The following AGAP1 variants were observed in gnomAD, a reference collection of about 807,000 sequenced individuals.
The protein encoded by AGAP1 is arf-GAP with GTPase, ANK repeat and PH domain-containing protein 1.
Under a neutral mutation model 105.3 loss-of-function variants are expected in AGAP1, and 29 were observed. The ratio of observed to expected loss-of-function variants is 0.28; its 90% CI spans 0.21 to 0.38. AGAP1 has a LOEUF of 0.38. Among genes scored for constraint, AGAP1 ranks in the 10% least tolerant of loss-of-function variants. The pLI, the probability that AGAP1 is intolerant of heterozygous loss-of-function variation, is 1.00. For missense variants in AGAP1, 998 were observed against 1,165.1 expected (o/e 0.86, Z 2.09); for synonymous variants, 509 against 485.9 (o/e 1.05, Z -0.63).
At chr2:235,942,536 G>T (rs779222501) in intron 12 of AGAP1, among the ~76,000 whole-genome samples, 1 of 151,996 alleles carries the variant, frequency 6.6e-6, no homozygotes, top group African/African-American at 2.4e-5. Context: ...AAGTAGCCAG[G>T]CATGGTGGAA....
chr2:235,606,133 G>T (rs959690322), intron 1 of AGAP1, among the ~76,000 whole-genome samples: 1 of 152,152 alleles, frequency 6.6e-6, no homozygotes, highest in East Asian at 1.9e-4. Flanking sequence ...CCATTTCCCC[G>T]GCCTTTCACC....
chr2:235,668,453 G>A lies in AGAP1; in HGVS notation c.164-40726G>A, dbSNP rs574051535. On this transcript the variant is annotated intron_variant, in intron 1 of 17. Transcript: ENST00000304032. ...AAATCCCAAAGTAATGCTTCCACCT[G>A]GCCTGGCCGCCAGCACCTTGCCCAG... Among the ~76,000 whole-genome samples, 13 of 152,316 alleles carry A rather than the reference G, an allele frequency of 8.5e-5. No homozygotes were observed. In the East Asian group the frequency reaches 2.3e-3, roughly 27 times the overall value.
At chr2:235,687,899 C>CTT (rs10670064) in intron 1 of AGAP1, among the ~76,000 whole-genome samples, 38,204 of 89,578 alleles carry the variant, frequency 0.43, 10,913 homozygotes, top group Admixed American at 0.51. Context: ...CGCTCTCTGA[C>CTT]TTTTTTTTTT....
rs139556568 is a variant in AGAP1, at chr2:235,650,233, C to T, written c.164-58946C>T. 2.2e-3 allele frequency among the ~76,000 whole-genome samples: 341 copies of T among 152,104 alleles called. 3 individuals are homozygous for T. The highest frequency in any genetic ancestry group is 7.8e-3 in the African/African-American group (325 of 41,470). ...AAAATTAGCTGGGCATGGTGGTGCA[C>T]GCTTGTAATCCCAGCTACTCCAGAG... On this transcript the variant is annotated intron_variant, in intron 1 of 17. Transcript: ENST00000304032.
At position 235,993,540 on chromosome 2, in the gene AGAP1, A is replaced by G. The variant is rs1476744388; in HGVS notation, c.1645+24917A>G. On this transcript the variant is annotated intron_variant, in intron 13 of 17. Transcript: ENST00000304032. The surrounding 1 kb of genome is among the most constrained non-coding windows in gnomAD (Gnocchi z 5.0). ...TGCGATGTATTTCTTTTCTGCAAGT[A>G]TGGTTTTGTGTGATAGAAACCAATG... Among the ~76,000 whole-genome samples the G allele has an allele frequency of 3.3e-5, 5 of 152,318 alleles. No individual in the cohort carries two copies. Among genetic ancestry groups the G allele is most frequent in the South Asian group, 2.1e-4 (1 of 4,820 alleles).
intron 9 of AGAP1, among the ~76,000 whole-genome samples, chr2:235,808,574 C>G (rs1957962456): frequency 6.6e-6 from 1 of 152,166 alleles, no homozygotes; most frequent in Non-Finnish European, 1.5e-5. Context: ...CCAGGAACTA[C>G]TGCAAAAACC....
intron 13 of AGAP1, among the ~76,000 whole-genome samples, chr2:236,006,498 A>G (rs887986398): frequency 6.6e-6 from 1 of 152,238 alleles, no homozygotes; most frequent in African/African-American, 2.4e-5. Flanking sequence ...TTCTATATGT[A>G]ACCATCTGTA....
At chr2:236,018,262 A>G (rs1372826535) in intron 13 of AGAP1, among the ~76,000 whole-genome samples, 1 of 152,218 alleles carries the variant, frequency 6.6e-6, no homozygotes, top group African/African-American at 2.4e-5. Context: ...CCTCCAATTA[A>G]CAGCTGTCTC....
Position 236,061,716 on chromosome 2 carries a change from T to G in AGAP1, c.2114+12435T>G, listed in dbSNP as rs1177572607. ...CAGGGGAGGGAGGGGCAGTGGCGTA[T>G]ACGGAGTGATTGCCTAATGAGTACG... On this transcript the variant is annotated intron_variant, in intron 16 of 17. Transcript: ENST00000304032. This position sits in a 1 kb window ranked among gnomAD's most constrained non-coding sequence, Gnocchi z 4.1. Among the ~76,000 whole-genome samples, 1 of 151,762 alleles carries G rather than the reference T, an allele frequency of 6.6e-6. No homozygotes were observed. The highest frequency in any genetic ancestry group is 2.4e-5 in the African/African-American group (1 of 41,262).
At chr2:235,987,957 T>C (rs932011840) in intron 13 of AGAP1, among the ~76,000 whole-genome samples, 6 of 152,220 alleles carry the variant, frequency 3.9e-5, no homozygotes, top group Admixed American at 1.3e-4. Flanking sequence ...GTTAAAAATA[T>C]TGTTGCTTTT....
At chr2:235,763,242 C>T (rs897559915) in intron 6 of AGAP1, among the ~76,000 whole-genome samples, 6 of 151,924 alleles carry the variant, frequency 3.9e-5, no homozygotes, top group Non-Finnish European at 7.4e-5. Flanking sequence ...CAAGTGCTCA[C>T]GCAGAATTTC....
chr2:236,105,898 C>T lies in AGAP1; in HGVS notation c.2115-14294C>T, dbSNP rs2125920682. Among the ~76,000 whole-genome samples, 1 of 152,272 alleles carries T rather than the reference C, an allele frequency of 6.6e-6. No individual in the cohort carries two copies. Among genetic ancestry groups the T allele is most frequent in the South Asian group, 2.1e-4 (1 of 4,814 alleles). On this transcript the variant is annotated intron_variant, in intron 16 of 17. Coordinates refer to ENST00000304032, the MANE Select transcript of AGAP1 (RefSeq NM_001037131.3). The surrounding 1 kb of genome is among the most constrained non-coding windows in gnomAD (Gnocchi z 4.2). ...AGGCGTGAGCCATCGTGCCCGGCCCCTCTTGTGCCTCTTCTTATAAGAGTG... is the reference window on the plus strand; with the variant it reads ...AGGCGTGAGCCATCGTGCCCGGCCCTTCTTGTGCCTCTTCTTATAAGAGTG...
rs1171102124 is a variant in AGAP1 at position 235,982,407 on chromosome 2, A to G, written c.1645+13784A>G. 6.6e-6 allele frequency among the ~76,000 whole-genome samples: 1 copy of G among 152,232 alleles called. No individual in the cohort carries two copies. Among genetic ancestry groups the G allele is most frequent in the Non-Finnish European group, 1.5e-5 (1 of 68,040 alleles). On this transcript the variant is annotated intron_variant, in intron 13 of 17. Transcript: ENST00000304032. This position sits in a 1 kb window ranked among gnomAD's most constrained non-coding sequence, Gnocchi z 4.9. ...ACTTTATTCTGCACACCGTGGGGAC[A>G]TCAGCTGGGAGGGTCATAGCTAGGA...
intron 11 of AGAP1, among the ~76,000 whole-genome samples, chr2:235,918,685 A>G (rs1048647924): frequency 1.2e-4 from 18 of 151,702 alleles, no homozygotes; most frequent in African/African-American, 3.6e-4. Context: ...TTATTTTCTC[A>G]TTAGGTATAT....
At chr2:235,527,884 T>C (rs941702864) in intron 1 of AGAP1, among the ~76,000 whole-genome samples, 2 of 152,210 alleles carry the variant, frequency 1.3e-5, no homozygotes, top group African/African-American at 4.8e-5. Flanking sequence ...CCGTAAAGCC[T>C]CATGCCCTGC....
intron 1 of AGAP1, among the ~76,000 whole-genome samples, chr2:235,498,141 T>C (rs907912334): frequency 5.3e-5 from 8 of 152,180 alleles, no homozygotes; most frequent in Non-Finnish European, 1.5e-5. Context: ...CATATTTTAG[T>C]TGAAAGGCCC....
At chr2:235,939,027 G>A (rs1312159912) in intron 12 of AGAP1, among the ~76,000 whole-genome samples, 2 of 152,186 alleles carry the variant, frequency 1.3e-5, no homozygotes, top group Non-Finnish European at 2.9e-5. Context: ...CTTTCAGAGG[G>A]ACCTGAATGA....
chr2:235,508,005 A>G (rs941488502), intron 1 of AGAP1, among the ~76,000 whole-genome samples: 10 of 152,144 alleles, frequency 6.6e-5, no homozygotes, highest in South Asian at 2.1e-4. Context: ...CTTTGTGTCA[A>G]TGTTGAGCTC....
chr2:235,706,550 C>T (rs1055056484), intron 1 of AGAP1, among the ~76,000 whole-genome samples: 8 of 152,148 alleles, frequency 5.3e-5, no homozygotes, highest in African/African-American at 9.7e-5. Context: ...CCCTCACCCC[C>T]GATACACTTT....
Sources: allele counts gnomAD v4.1 joint callset (sites outside exome capture counted in the v4.1 genomes callset), GRCh38; gene constraint gnomAD v4.1.1; non-coding constraint Gnocchi (gnomAD v3.1); transcripts MANE v1.5; gene names NCBI Gene and HGNC (gene_info 2026-07-23, HGNC 2026-07-21).